The following HIVEP3 variants were observed in gnomAD, a reference collection of about 807,000 sequenced individuals.
HIVEP3 encodes HIVEP zinc finger 3.
A neutral mutation model predicts 152.8 loss-of-function variants in HIVEP3; 49 were observed. The observed-to-expected ratio is 0.32, with a 90% CI of 0.26 to 0.41. The LOEUF (loss-of-function observed/expected upper bound fraction) is 0.41, where lower values mean the gene tolerates loss of function less well. Ranked by LOEUF, HIVEP3 falls within the 10% of genes least tolerant of loss-of-function variation. The probability of loss-of-function intolerance (pLI) is 1.00; values close to 1 mark genes in which losing one functional copy is unlikely to be tolerated. For missense variants in HIVEP3, 2,790 were observed against 3,103.3 expected (o/e 0.90, Z 2.40); for synonymous variants, 1,269 against 1,289.0 (o/e 0.98, Z 0.33).
intron 2 of HIVEP3, among the ~76,000 whole-genome samples, chr1:41,676,884 GA>G (rs1476814374): frequency 6.6e-6 from 1 of 152,196 alleles, no homozygotes; most frequent in Non-Finnish European, 1.5e-5. Flanking sequence ...CAACAGCTGG[GA>G]GGAAAGTCCA....
intron 1 of HIVEP3, among the ~76,000 whole-genome samples, chr1:42,035,485 G>A (rs1377441171): frequency 1.3e-5 from 2 of 152,248 alleles, no homozygotes; most frequent in Non-Finnish European, 2.9e-5. Context: ...CTGCCTGGGA[G>A]CGCGTTGCGG....
At chr1:41,624,057 C>T (rs1408396700) in intron 3 of HIVEP3, among the ~76,000 whole-genome samples, 1 of 152,164 alleles carries the variant, frequency 6.6e-6, no homozygotes, top group Non-Finnish European at 1.5e-5. Context: ...AGGAGACTTC[C>T]CAAGCCTCAG....
chr1:41,578,781 C>T (rs1399982014), intron 4 of HIVEP3, among the ~76,000 whole-genome samples: 2 of 152,052 alleles, frequency 1.3e-5, no homozygotes, highest in Non-Finnish European at 2.9e-5. Context: ...AGACTCTGAC[C>T]CTCAGTTCCC....
chr1:41,678,117 G>A (rs776442271), intron 2 of HIVEP3, among the ~76,000 whole-genome samples: 2 of 152,300 alleles, frequency 1.3e-5, no homozygotes, highest in South Asian at 4.1e-4. Context: ...CGTGGCTGTT[G>A]GGGAGATTTC....
chr1:41,682,911 A>G (rs1646062287), intron 2 of HIVEP3, among the ~76,000 whole-genome samples: 1 of 152,154 alleles, frequency 6.6e-6, no homozygotes, highest in Non-Finnish European at 1.5e-5. Context: ...AAAATCTAAT[A>G]ACAGAAATGT....
intron 1 of HIVEP3, among the ~76,000 whole-genome samples, chr1:41,994,453 T>C (rs1645383339): frequency 6.6e-6 from 1 of 152,156 alleles, no homozygotes; most frequent in African/African-American, 2.4e-5. Flanking sequence ...GACCTGATGG[T>C]AGGTAATTGG....
intron 1 of HIVEP3, among the ~76,000 whole-genome samples, chr1:41,963,302 C>G (rs1235886196): frequency 3.3e-5 from 5 of 152,326 alleles, no homozygotes; most frequent in African/African-American, 1.2e-4. Context: ...TGAGCCACCG[C>G]GCCCGGCCAA....
rs1558047660 is a variant in HIVEP3, at chr1:41,545,051, C to CACCATCGCT, written c.5208-20142_5208-20141insAGCGATGGT. Among the ~76,000 whole-genome samples, 55 of 93,180 alleles carry CACCATCGCT rather than the reference C, an allele frequency of 5.9e-4. 1 individual carries two copies. Among genetic ancestry groups the CACCATCGCT allele is most frequent in the Non-Finnish European group, 1.1e-3 (39 of 35,580 alleles). The allele number at this position is 93,180 out of a possible 152,430, so 61.1% of individuals were successfully genotyped here. On this transcript the variant is annotated intron_variant, in intron 5 of 8. Transcript: ENST00000372583. ...CCACCACCACCAATACCACTACCACCACCATCACTACCACCACCACCAACA... is the reference window on the plus strand; with the variant it reads ...CCACCACCACCAATACCACTACCACCACCATCGCTACCATCACTACCACCACCACCAACA...
chr1:41,892,852 G>C (rs528277593), intron 1 of HIVEP3, among the ~76,000 whole-genome samples: 17 of 152,284 alleles, frequency 1.1e-4, no homozygotes, highest in African/African-American at 4.1e-4. Context: ...GGGTACGGTG[G>C]CTCATGCCTG....
intron 1 of HIVEP3, among the ~76,000 whole-genome samples, chr1:41,711,750 C>T (rs1646516746): frequency 6.6e-6 from 1 of 152,172 alleles, no homozygotes; most frequent in Non-Finnish European, 1.5e-5. Flanking sequence ...TGTTGAGCGG[C>T]CCGAGTGGTT....
intron 7 of HIVEP3, among the ~76,000 whole-genome samples, chr1:41,515,000 C>T (rs1296462815): frequency 2.6e-5 from 4 of 152,200 alleles, no homozygotes; most frequent in African/African-American, 4.8e-5. Context: ...GACAGCAATC[C>T]GGATGCTGGG....
chr1:41,745,478 T>C (rs1179963361), intron 1 of HIVEP3, among the ~76,000 whole-genome samples: 1 of 152,242 alleles, frequency 6.6e-6, no homozygotes, highest in Non-Finnish European at 1.5e-5. Context: ...ATTATTCACC[T>C]GAAAGATGGG....
At chr1:41,605,159 TGGAGA>T (rs1644801648) in intron 3 of HIVEP3, among the ~76,000 whole-genome samples, 1 of 16,042 alleles carries the variant, frequency 6.2e-5, no homozygotes, top group African/African-American at 2.5e-4. Context: ...AGCGGAGGGG[TGGAGA>T]GGGGAGGGGA....
At chr1:41,921,532 C>T (rs1644941883), upstream of HIVEP3, among the ~76,000 whole-genome samples, 1 of 152,198 alleles carries the variant, frequency 6.6e-6, no homozygotes, top group Admixed American at 6.5e-5. Context: ...GCTTCTCCAG[C>T]CATGTGGAAC....
At chr1:41,959,277 G>A (rs1645156590) in intron 1 of HIVEP3, among the ~76,000 whole-genome samples, 1 of 152,146 alleles carries the variant, frequency 6.6e-6, no homozygotes, top group Admixed American at 6.5e-5. Flanking sequence ...ACCCTGAAAA[G>A]GACAATATTT....
chr1:41,604,300 T>C (rs1487594988), intron 3 of HIVEP3, among the ~76,000 whole-genome samples: 1 of 152,138 alleles, frequency 6.6e-6, no homozygotes, highest in Admixed American at 6.5e-5. Flanking sequence ...ATAGAATGGA[T>C]AAATAAATTG....
upstream of HIVEP3, among the ~76,000 whole-genome samples, chr1:41,922,442 C>T (rs1644946283): frequency 6.6e-6 from 1 of 152,092 alleles, no homozygotes; most frequent in South Asian, 2.1e-4. Flanking sequence ...GAAATTATAT[C>T]ACCCAAACAC....
chr1:41,894,968 G>A (rs773506089), intron 1 of HIVEP3, among the ~76,000 whole-genome samples: 1 of 152,058 alleles, frequency 6.6e-6, no homozygotes. Flanking sequence ...CTAACCTTGC[G>A]CAGCAAGTCA....
At chr1:41,716,326 A>C (rs1646593027) in intron 1 of HIVEP3, among the ~76,000 whole-genome samples, 1 of 152,194 alleles carries the variant, frequency 6.6e-6, no homozygotes, top group South Asian at 2.1e-4. Context: ...AGTGCTTTAC[A>C]GTTTACAAGG....
Sources: allele counts gnomAD v4.1 joint callset (sites outside exome capture counted in the v4.1 genomes callset), GRCh38; gene constraint gnomAD v4.1.1; transcripts MANE v1.5; gene names NCBI Gene and HGNC (gene_info 2026-07-23, HGNC 2026-07-21).